MED13L: variants seen among roughly 807,000 people sequenced by gnomAD.
The protein encoded by MED13L is mediator of RNA polymerase II transcription subunit 13-like.
Under a neutral mutation model 220.9 loss-of-function variants are expected in MED13L, and 7 were observed. The ratio of observed to expected loss-of-function variants is 0.03; its 90% confidence interval spans 0.02 to 0.06. The LOEUF (loss-of-function observed/expected upper bound fraction) is 0.06, where lower values mean the gene tolerates loss of function less well. Among genes scored for constraint, MED13L ranks in the 10% least tolerant of loss-of-function variants. The pLI, the probability that MED13L is intolerant of heterozygous loss-of-function variation, is 1.00. For synonymous variants in MED13L, 1,011 were observed against 1,015.2 expected, an observed-to-expected ratio of 1.00 and a Z score of 0.08; for missense variants, 1,965 against 2,760.5, an observed-to-expected ratio of 0.71 and a Z score of 6.46.
At chr12:116,023,664 G>C (rs1026497026) in intron 4 of MED13L, among the ~76,000 whole-genome samples, 1 of 152,076 alleles carries the variant, frequency 6.6e-6, no homozygotes, top group African/African-American at 2.4e-5. Context: ...CCTTTGACCA[G>C]TATGTTTAGA....
At chr12:116,226,260 G>A (rs547160797) in intron 2 of MED13L, among the ~76,000 whole-genome samples, 85 of 151,918 alleles carry the variant, frequency 5.6e-4, no homozygotes, top group Non-Finnish European at 1.1e-3. Context: ...ATCCTAGATG[G>A]GCCTCAAGAG....
chr12:116,276,526 G>A (rs938168785), intron 1 of MED13L: 156 of 1,282,024 alleles, frequency 1.2e-4, no homozygotes, highest in Non-Finnish European at 1.3e-4. Context: ...GGAGCTTCGG[G>A]TGCAAGAGTC....
intron 1 of MED13L, 134 bp downstream of exon 1, chr12:116,276,926 G>C (rs1034119973): frequency 1.9e-6 from 2 of 1,068,728 alleles, no homozygotes; most frequent in Non-Finnish European, 2.8e-6. Context: ...GAGAATCGGC[G>C]AGAGGCGAAC....
intron 10 of MED13L, 144 bp downstream of exon 10, chr12:116,008,257 C>A: frequency 8.6e-7 from 1 of 1,157,340 alleles, no homozygotes; most frequent in Admixed American, 2.9e-5. Context: ...AGCATTTGAC[C>A]ATTAAACATT....
In MED13L at chr12:116,019,230, T is replaced by C; in HGVS notation, c.1003A>G (p.Ile335Val). 2 of 1,613,494 alleles carry C rather than the reference T, an allele frequency of 1.2e-6. No individual in the cohort carries two copies. The highest frequency in any genetic ancestry group is 2.2e-5 in the East Asian group (1 of 44,820). Residue 335 changes from isoleucine to valine, a missense_variant, in exon 7 of 31, where the codon ATC (isoleucine) becomes GTC (valine). Around this residue, in one of 10 missense-constraint regions of MED13L, gnomAD observed 818 missense variants for 1,041.2 expected, o/e 0.79. Coordinates refer to ENST00000281928, the MANE Select transcript of MED13L (RefSeq NM_015335.5). ...ACTCCTGGATCCTACTCACCTAGGA[T>C]AGCCTGTTCTGGAGAGGTGGGAGGG... ...LTPPTSPEQAILGESGGMQSA... is the reference protein window; with the variant it reads ...LTPPTSPEQAVLGESGGMQSA...
At chr12:116,108,404 C>CGGG (rs1873787446) in intron 3 of MED13L, among the ~76,000 whole-genome samples, 1 of 40,846 alleles carries the variant, frequency 2.4e-5, no homozygotes, top group African/African-American at 1.6e-4. Context: ...GGGGGGGGCG[C>CGGG]GTGGGGGGTG....
intron 3 of MED13L, among the ~76,000 whole-genome samples, chr12:116,107,950 C>T (rs1397414928): frequency 1.3e-5 from 2 of 152,070 alleles, no homozygotes; most frequent in African/African-American, 2.4e-5. Context: ...ATTAGCTGGG[C>T]ATGGTGGCAC....
intron 1 of MED13L, among the ~76,000 whole-genome samples, chr12:116,275,900 C>G (rs535555884): frequency 3.9e-5 from 6 of 152,324 alleles, no homozygotes; most frequent in Non-Finnish European, 5.9e-5. Flanking sequence ...TAAACAAATT[C>G]GTACTCTCCT....
chr12:115,966,683 G>A (rs1326209709), intron 28 of MED13L, among the ~76,000 whole-genome samples: 1 of 152,182 alleles, frequency 6.6e-6, no homozygotes, highest in African/African-American at 2.4e-5. Flanking sequence ...AAGTTCCTGA[G>A]CTGCCAGTAG....
At chr12:116,047,082 G>C (rs1274054654) in intron 4 of MED13L, among the ~76,000 whole-genome samples, 1 of 152,238 alleles carries the variant, frequency 6.6e-6, no homozygotes, top group Admixed American at 6.5e-5. Flanking sequence ...AGGCGCAGAG[G>C]CTCATGCCTG....
chr12:116,086,483 T>C (rs1281743813), intron 4 of MED13L, among the ~76,000 whole-genome samples: 3 of 152,050 alleles, frequency 2.0e-5, no homozygotes, highest in African/African-American at 7.2e-5. Context: ...AGTTTCTCCA[T>C]GTTGGTCAGG....
chr12:116,243,330 C>T (rs992438087), intron 1 of MED13L, among the ~76,000 whole-genome samples: 2 of 151,954 alleles, frequency 1.3e-5, no homozygotes, highest in African/African-American at 4.8e-5. Context: ...TTGGCAATGA[C>T]CTTGAGCAGT....
intron 2 of MED13L, among the ~76,000 whole-genome samples, chr12:116,123,432 T>A (rs77139496): frequency 6.6e-6 from 1 of 152,196 alleles, no homozygotes; most frequent in African/African-American, 2.4e-5. Flanking sequence ...AAACATTTTA[T>A]AAACTTCCTC....
chr12:116,036,238 G>C (rs1328002642), intron 4 of MED13L, among the ~76,000 whole-genome samples: 7 of 152,106 alleles, frequency 4.6e-5, no homozygotes, highest in Non-Finnish European at 8.8e-5. Flanking sequence ...AAGAACAACT[G>C]ATATACACAG....
At chr12:116,200,797 C>A (rs142576160) in intron 2 of MED13L, among the ~76,000 whole-genome samples, 1 of 152,012 alleles carries the variant, frequency 6.6e-6, no homozygotes, top group East Asian at 1.9e-4. Context: ...AAAAGCACTA[C>A]GCAGCAAGTT....
At chr12:116,054,310 T>A (rs1169303113) in intron 4 of MED13L, among the ~76,000 whole-genome samples, 2 of 152,070 alleles carry the variant, frequency 1.3e-5, no homozygotes, top group African/African-American at 4.8e-5. Context: ...CCAGAAAATA[T>A]CATATCCCAC....
intron 3 of MED13L, among the ~76,000 whole-genome samples, chr12:116,097,185 G>T (rs1872699420): frequency 6.6e-6 from 1 of 151,030 alleles, no homozygotes; most frequent in Admixed American, 6.6e-5. Flanking sequence ...AGTCTCTGTT[G>T]CCTAGGCTGG....
intron 2 of MED13L, among the ~76,000 whole-genome samples, chr12:116,232,644 CCTT>C (rs1476540607): frequency 6.6e-6 from 1 of 152,212 alleles, no homozygotes. Context: ...TGATACTTCT[CCTT>C]CTGGACCAGA....
rs763911475 is a variant in MED13L, at chr12:115,972,148, T to C, written c.5820A>G (p.Ala1940=). The part of the protein sequence containing the change: ...DVCRMCGISA[A]DSPSILSACL... The stretch of plus-strand genomic sequence containing the variant: ...AGGCACTAAGGATAGAAGGAGAGTC[T>C]GCGGCAGAGATTCCACACATCCGGC... Residue 1940 remains alanine, a synonymous_variant, in exon 26 of 31, where the codon GCA becomes GCG. Transcript: ENST00000281928. 2.5e-6 allele frequency: 4 copies of C among 1,614,036 alleles called. No homozygotes were observed. In the South Asian group the frequency reaches 4.4e-5, roughly 18 times the overall value.
Sources: gnomAD v4.1 joint callset for allele counts (sites outside exome capture counted in the v4.1 genomes callset) on GRCh38, gnomAD v4.1.1 for gene constraint, gnomAD v4.1.1 regional missense constraint, MANE v1.5 for transcripts, NCBI Gene and HGNC (gene_info 2026-07-23, HGNC 2026-07-21) for gene names.